PRAG1: variants seen among roughly 807,000 people sequenced by gnomAD.
The protein encoded by PRAG1 is inactive tyrosine-protein kinase PRAG1.
Under a neutral mutation model 95.6 loss-of-function variants are expected in PRAG1, and 110 were observed. The ratio of observed to expected loss-of-function variants is 1.15; its 90% confidence interval spans 0.99 to 1.35. PRAG1 has a LOEUF of 1.35. PRAG1 is among the 40% of genes most tolerant of loss of function. The probability of loss-of-function intolerance (pLI) is 0.00; values close to 1 mark genes in which losing one functional copy is unlikely to be tolerated. For missense variants in PRAG1, 2,554 were observed against 1,864.7 expected, an observed-to-expected ratio of 1.37 and a Z score of -6.81; for synonymous variants, 1,052 against 819.4, an observed-to-expected ratio of 1.28 and a Z score of -4.85.
chr8:8,371,765 G>A (rs1800214751), intron 3 of PRAG1, among the ~76,000 whole-genome samples: 1 of 152,140 alleles, frequency 6.6e-6, no homozygotes, highest in Non-Finnish European at 1.5e-5. Flanking sequence ...AGCTACTCAG[G>A]AGGCTGGGGT....
At chr8:8,343,851 G>A (rs1188079256) in intron 3 of PRAG1, among the ~76,000 whole-genome samples, 1 of 152,052 alleles carries the variant, frequency 6.6e-6, no homozygotes, top group East Asian at 1.9e-4. Flanking sequence ...GACCAGCCTT[G>A]TCCAATAGAA....
At chr8:8,379,797 G>T (rs1363917967) in intron 2 of PRAG1, among the ~76,000 whole-genome samples, 1 of 152,328 alleles carries the variant, frequency 6.6e-6, no homozygotes, top group East Asian at 1.9e-4. Context: ...GTTTGTAAAG[G>T]TTACCTGTGG....
intron 4 of PRAG1, among the ~76,000 whole-genome samples, chr8:8,332,826 CTT>C (rs1798866554): frequency 1.3e-5 from 2 of 152,204 alleles, no homozygotes; most frequent in African/African-American, 4.8e-5. Flanking sequence ...GGCTAATTCT[CTT>C]GACTCTTACC....
chr8:8,333,165 G>A (rs1166597537), intron 4 of PRAG1, among the ~76,000 whole-genome samples: 1 of 152,186 alleles, frequency 6.6e-6, no homozygotes, highest in African/African-American at 2.4e-5. Flanking sequence ...GGTGCAAAAG[G>A]GGTGAGAGGG....
chr8:8,347,143 G>A (rs915844515), intron 3 of PRAG1, among the ~76,000 whole-genome samples: 1 of 152,230 alleles, frequency 6.6e-6, no homozygotes, highest in African/African-American at 2.4e-5. Context: ...CTCAAAGACT[G>A]AGAACCTCTT....
At position 8,376,297 on chromosome 8, in the gene PRAG1, G is replaced by C. The variant is rs758993156; in HGVS notation, c.2112C>G (p.Asp704Glu). 1.2e-6 allele frequency: 2 copies of C among 1,614,084 alleles called. No individual in the cohort carries two copies. Among genetic ancestry groups the C allele is most frequent in the Non-Finnish European group, 1.7e-6 (2 of 1,180,054 alleles). The stretch of plus-strand genomic sequence containing the variant: ...GTGAGAATGTCTCAATCCCACTTCT[G>C]TCCTTGGGGAACTCAAAGGCAAAAG... ...SASFAFEFPK[D>E]RSGIETFSPP... is the part of the protein sequence containing the mutation. The change falls in exon 3 of 6, where the codon GAC becomes GAG. Residue 704 changes from aspartate (D) to glutamate (E), a missense_variant. Coordinates refer to ENST00000615670, the MANE Select transcript of PRAG1 (RefSeq NM_001080826.3).
chr8:8,377,370 TGCCG>T lies in PRAG1; in HGVS notation c.1035_1038del (p.Ser345ArgfsTer24), dbSNP rs1800450545. On this transcript the variant is annotated frameshift_variant, in exon 3 of 6. Transcript: ENST00000615670. LOFTEE classifies it high-confidence loss of function. ...CTACTGGCGCCGCTGCCGCTGCCGCTGCCGCTGCCACAAGAGAGGCCGTCGGAAG... is the reference window on the plus strand; with the variant it reads ...CTACTGGCGCCGCTGCCGCTGCCGCTCTGCCACAAGAGAGGCCGTCGGAAG... 29 of 1,594,702 alleles carry T rather than the reference TGCCG, an allele frequency of 1.8e-5. No homozygotes were observed. Among genetic ancestry groups the T allele is most frequent in the Non-Finnish European group, 2.3e-5 (27 of 1,171,638 alleles).
chr8:8,320,799 G>A (rs1366286071), intron 5 of PRAG1, among the ~76,000 whole-genome samples: 1 of 152,206 alleles, frequency 6.6e-6, no homozygotes, highest in Non-Finnish European at 1.5e-5. Context: ...ACTTTTAGAA[G>A]TTCTACTGCA....
chr8:8,356,387 C>A (rs1333097186), intron 3 of PRAG1, among the ~76,000 whole-genome samples: 1 of 152,168 alleles, frequency 6.6e-6, no homozygotes, highest in African/African-American at 2.4e-5. Flanking sequence ...ACTCTGTCAC[C>A]TAGGCTGGAG....
rs930455253 is a variant in PRAG1, at chr8:8,317,929, G to C, written c.*225C>G. 3.0e-6 allele frequency: 1 copy of C among 338,604 alleles called. No individual in the cohort carries two copies. Among genetic ancestry groups the C allele is most frequent in the African/African-American group, 2.1e-5 (1 of 47,232 alleles). 21.0% of individuals were successfully genotyped at this position (338,604 alleles called of 1,614,324 possible). On this transcript the variant is annotated 3_prime_UTR_variant, in exon 6 of 6. Coordinates refer to ENST00000615670, the MANE Select transcript of PRAG1 (RefSeq NM_001080826.3). ...TGTGTATAATTACAGAAGAAAACAG[G>C]GAGGACTTAGTGCAGAGAGGAGACG... is the stretch of plus-strand genomic sequence containing the variant.
chr8:8,385,735 T>C (rs958454693), intron 1 of PRAG1, among the ~76,000 whole-genome samples: 1 of 152,066 alleles, frequency 6.6e-6, no homozygotes, highest in Non-Finnish European at 1.5e-5. Flanking sequence ...GAGGATTCTA[T>C]GTTCTAAGTG....
chr8:8,372,886 AG>A (rs1373826087), intron 3 of PRAG1, among the ~76,000 whole-genome samples: 33 of 152,362 alleles, frequency 2.2e-4, no homozygotes, highest in Admixed American at 1.9e-3. Flanking sequence ...TAATGACCTA[AG>A]GAAGCAGACG....
At chr8:8,345,427 G>T (rs1410855729) in intron 3 of PRAG1, among the ~76,000 whole-genome samples, 3 of 151,848 alleles carry the variant, frequency 2.0e-5, no homozygotes, top group Admixed American at 1.3e-4. Context: ...TAGGCATTTG[G>T]AATGCTCAGT....
chr8:8,376,216 GAC>G (rs1800381261), intron 3 of PRAG1, 29 bp downstream of exon 3: 1 of 1,596,184 alleles, frequency 6.3e-7, no homozygotes, highest in Non-Finnish European at 8.5e-7. Flanking sequence ...TTGCCCTGCA[GAC>G]AGAGTCCCAG....
chr8:8,357,496 C>T (rs1294104772), intron 3 of PRAG1, among the ~76,000 whole-genome samples: 1 of 152,204 alleles, frequency 6.6e-6, no homozygotes, highest in East Asian at 1.9e-4. Flanking sequence ...GAGACAACAA[C>T]TCATCCCATT....
intron 4 of PRAG1, among the ~76,000 whole-genome samples, chr8:8,330,863 C>T (rs948486901): frequency 2.0e-5 from 3 of 152,030 alleles, no homozygotes; most frequent in African/African-American, 7.2e-5. Context: ...TTGCCACCTC[C>T]TGGATAAAAA....
Position 8,342,747 on chromosome 8 carries a change from T to C in PRAG1, c.2163-3112A>G, listed in dbSNP as rs146395591. Among the ~76,000 whole-genome samples the C allele has an allele frequency of 1.4e-4, 22 of 152,284 alleles. No individual in the cohort carries two copies. In the East Asian group the frequency reaches 4.1e-3, roughly 28 times the overall value. ...AAAAAGAAAGTAGAGCCATATCTCATACCGTGTAGAAACACGAATTTTCAA... is the reference window on the plus strand; with the variant it reads ...AAAAAGAAAGTAGAGCCATATCTCACACCGTGTAGAAACACGAATTTTCAA... On this transcript the variant is annotated intron_variant, in intron 3 of 5. Transcript: ENST00000615670.
At chr8:8,325,027 G>A (rs574609925) in intron 5 of PRAG1, among the ~76,000 whole-genome samples, 2 of 152,304 alleles carry the variant, frequency 1.3e-5, no homozygotes, top group African/African-American at 4.8e-5. Flanking sequence ...CGCAAACGAG[G>A]CTCCGTCTGC....
At chr8:8,380,371 G>C (rs1197890310) in intron 2 of PRAG1, among the ~76,000 whole-genome samples, 2 of 152,324 alleles carry the variant, frequency 1.3e-5, no homozygotes, top group East Asian at 3.9e-4. Flanking sequence ...GGCTGAGGCA[G>C]GTGGATCACT....
Sources: allele counts gnomAD v4.1 joint callset (sites outside exome capture counted in the v4.1 genomes callset), GRCh38; gene constraint gnomAD v4.1.1; transcripts MANE v1.5; gene names NCBI Gene and HGNC (gene_info 2026-07-23, HGNC 2026-07-21).